The following WDFY2 variants were observed in gnomAD, a reference collection of about 807,000 sequenced individuals.
WDFY2 encodes the protein WD repeat and FYVE domain-containing protein 2.
In WDFY2, 36 loss-of-function variants were observed where a neutral mutation model predicts 56.4. The observed-to-expected ratio is 0.64, with a 90% CI of 0.49 to 0.84. WDFY2 has a LOEUF of 0.84. Ranked by LOEUF, WDFY2 falls within the 40% of genes least tolerant of loss-of-function variation. WDFY2 has a pLI of 0.00. For missense variants in WDFY2, 444 were observed against 512.2 expected (o/e 0.87, Z 1.29); for synonymous variants, 176 against 183.7 (o/e 0.96, Z 0.34).
chr13:51,761,577 T>C lies in WDFY2; in HGVS notation c.*1808T>C, dbSNP rs1178401922. The C allele has an allele frequency of 6.6e-6, 1 of 152,186 alleles. No individual in the cohort carries two copies. The highest frequency in any genetic ancestry group is 1.5e-5 in the Non-Finnish European group (1 of 68,038). 9.4% of individuals were successfully genotyped at this position (152,186 alleles called of 1,614,324 possible). A position where few individuals can be genotyped will look rare whatever the true frequency, so the allele number is the denominator to read the frequency against. ...ACAGGTTTTTTGGCAGTAATACACA[T>C]GGGAGTGAAATTGAAATCCTCCCTA... is the stretch of plus-strand genomic sequence containing the variant. On this transcript the variant is annotated 3_prime_UTR_variant, in exon 12 of 12. Transcript: ENST00000298125.
chr13:51,751,486 T>G, intron 8 of WDFY2, 71 bp downstream of exon 8: 4 of 1,364,690 alleles, frequency 2.9e-6, no homozygotes, highest in Non-Finnish European at 4.2e-6. Flanking sequence ...TATTTCTTAT[T>G]TCTTTTATGA....
intron 3 of WDFY2, among the ~76,000 whole-genome samples, chr13:51,696,023 A>G (rs761468322): frequency 6.6e-6 from 1 of 152,174 alleles, no homozygotes; most frequent in Non-Finnish European, 1.5e-5. Context: ...TTTAAAGCCC[A>G]TCGGAAAAGT....
At chr13:51,699,980 G>C (rs2138574490) in intron 3 of WDFY2, among the ~76,000 whole-genome samples, 1 of 152,288 alleles carries the variant, frequency 6.6e-6, no homozygotes, top group Non-Finnish European at 1.5e-5. Context: ...ATATTATACA[G>C]CCATCAGAAA....
At chr13:51,586,087 T>C (rs1953931637) in intron 1 of WDFY2, 2 of 398,444 alleles carry the variant, frequency 5.0e-6, no homozygotes, top group African/African-American at 4.1e-5. Context: ...ACAGAAGAAA[T>C]TCATGGCTGA....
At chr13:51,585,574 T>TG (rs1953921303) in intron 1 of WDFY2, among the ~76,000 whole-genome samples, 1 of 152,260 alleles carries the variant, frequency 6.6e-6, no homozygotes, top group Non-Finnish European at 1.5e-5. Context: ...TGTTTTGCGT[T>TG]TTCGCTTTAA....
At chr13:51,713,053 G>A (rs1952259836) in intron 4 of WDFY2, among the ~76,000 whole-genome samples, 1 of 152,134 alleles carries the variant, frequency 6.6e-6, no homozygotes, top group Admixed American at 6.5e-5. Context: ...AAAATTCAAG[G>A]AAGAGGCAAT....
chr13:51,656,107 C>T (rs1375556286), intron 1 of WDFY2, among the ~76,000 whole-genome samples: 2 of 125,886 alleles, frequency 1.6e-5, no homozygotes, highest in African/African-American at 3.0e-5. Context: ...CCTTTGCTGG[C>T]TTTGGGTTTA....
At chr13:51,713,720 G>A (rs995470663) in intron 4 of WDFY2, among the ~76,000 whole-genome samples, 6 of 151,874 alleles carry the variant, frequency 4.0e-5, no homozygotes, top group Non-Finnish European at 8.8e-5. Flanking sequence ...GGTGGTGTGC[G>A]CCTGTAATCC....
At chr13:51,670,250 T>G (rs1280705220) in intron 2 of WDFY2, among the ~76,000 whole-genome samples, 5 of 152,166 alleles carry the variant, frequency 3.3e-5, no homozygotes, top group Non-Finnish European at 7.3e-5. Context: ...TTTGCTTTTT[T>G]GTTAATTTCT....
chr13:51,686,173 T>C (rs1014408081), intron 3 of WDFY2, among the ~76,000 whole-genome samples: 1 of 152,186 alleles, frequency 6.6e-6, no homozygotes, highest in Non-Finnish European at 1.5e-5. Context: ...CATAAAGGTC[T>C]GTATCTGTAT....
At chr13:51,669,227 T>C (rs1955765387) in intron 2 of WDFY2, among the ~76,000 whole-genome samples, 1 of 152,318 alleles carries the variant, frequency 6.6e-6, no homozygotes. Flanking sequence ...AGAGCTTCTC[T>C]TTGTTTTGAT....
intron 1 of WDFY2, among the ~76,000 whole-genome samples, chr13:51,624,877 G>C (rs1954811419): frequency 1.3e-5 from 2 of 152,304 alleles, no homozygotes; most frequent in South Asian, 4.1e-4. Context: ...CAGCAGGCCA[G>C]TGTGTCTGGG....
At chr13:51,690,361 A>C (rs778302209) in intron 3 of WDFY2, among the ~76,000 whole-genome samples, 4 of 104,394 alleles carry the variant, frequency 3.8e-5, no homozygotes, top group Non-Finnish European at 7.2e-5. Context: ...CCACCCCATA[A>C]CAGTCCCCAG....
At chr13:51,626,008 T>C (rs913923947) in intron 1 of WDFY2, among the ~76,000 whole-genome samples, 7 of 152,216 alleles carry the variant, frequency 4.6e-5, no homozygotes, top group African/African-American at 1.4e-4. Flanking sequence ...CGGAGCACCC[T>C]GGCAGCCAAG....
chr13:51,756,646 G>A (rs1489240158), intron 10 of WDFY2, 184 bp downstream of exon 10: 1 of 985,164 alleles, frequency 1.0e-6, no homozygotes, highest in African/African-American at 1.7e-5. Flanking sequence ...TGAGATGAGA[G>A]AAGAGAAAAT....
intron 3 of WDFY2, among the ~76,000 whole-genome samples, chr13:51,688,839 A>G (rs931244672): frequency 6.6e-6 from 1 of 152,222 alleles, no homozygotes; most frequent in Admixed American, 6.6e-5. Context: ...AAAAATAAAT[A>G]TCAGCAACTA....
At chr13:51,669,593 G>T (rs1272851245) in intron 2 of WDFY2, among the ~76,000 whole-genome samples, 1 of 152,046 alleles carries the variant, frequency 6.6e-6, no homozygotes, top group Non-Finnish European at 1.5e-5. Context: ...TCTTATTCAG[G>T]TAACATGGAA....
At chr13:51,701,043 A>G (rs536726791) in intron 3 of WDFY2, among the ~76,000 whole-genome samples, 1 of 152,368 alleles carries the variant, frequency 6.6e-6, no homozygotes, top group South Asian at 2.1e-4. Context: ...CTCATGTGGA[A>G]TTGCATGCAT....
At position 51,763,793 on chromosome 13, in the gene WDFY2, GAATA is replaced by G. The variant is rs1479851508; in HGVS notation, c.*4031_*4034del. ...AGCCTGGGCAGCAGAGCAAGGCCCT[GAATA>G]AATAAACAAAAGTATAATTTATTTT... On this transcript the variant is annotated 3_prime_UTR_variant, in exon 12 of 12. Transcript: ENST00000298125. 1 of 152,144 alleles carries G rather than the reference GAATA, an allele frequency of 6.6e-6. No individual in the cohort carries two copies. Among genetic ancestry groups the G allele is most frequent in the East Asian group, 1.9e-4 (1 of 5,196 alleles). 9.4% of individuals were successfully genotyped at this position (152,144 alleles called of 1,614,324 possible). A position where few individuals can be genotyped will look rare whatever the true frequency, so the allele number is the denominator to read the frequency against.
Sources: gnomAD v4.1 joint callset for allele counts (sites outside exome capture counted in the v4.1 genomes callset) on GRCh38, gnomAD v4.1.1 for gene constraint, MANE v1.5 for transcripts, NCBI Gene and HGNC (gene_info 2026-07-23, HGNC 2026-07-21) for gene names.